The following PRELID2 variants were observed in gnomAD, a reference collection of about 807,000 sequenced individuals.
PRELID2 encodes PRELI domain-containing protein 2.
In PRELID2, 25 loss-of-function variants were observed where a neutral mutation model predicts 28.4. The observed-to-expected ratio is 0.88, with a 90% CI of 0.64 to 1.23. The LOEUF (loss-of-function observed/expected upper bound fraction) is 1.23, where lower values mean the gene tolerates loss of function less well. Among genes scored for constraint, PRELID2 ranks in the 50% most tolerant of loss-of-function variants. The pLI, the probability that PRELID2 is intolerant of heterozygous loss-of-function variation, is 0.00. For synonymous variants in PRELID2, 76 were observed against 71.6 expected (o/e 1.06, Z -0.31); for missense variants, 201 against 214.4 (o/e 0.94, Z 0.39).
In PRELID2 at chr5:145,667,230, C is replaced by G. The variant is rs200868403; in HGVS notation, n.70+97701G>C. Among the ~76,000 whole-genome samples the G allele has an allele frequency of 2.9e-4, 44 of 152,034 alleles. No homozygotes were observed. In the East Asian group the frequency reaches 8.5e-3, roughly 29 times the overall value. On this transcript the variant is annotated intron_variant and non_coding_transcript_variant, in intron 1 of 2. Coordinates refer to the PRELID2 transcript ENST00000510259. ...TACCTTTAGTGGATATTTTTTTCTT[C>G]TGGAACTCCCCAAAGTCTCCCATTC...
At chr5:145,597,869 G>A (rs187667310) in intron 1 of PRELID2, among the ~76,000 whole-genome samples, 3 of 152,270 alleles carry the variant, frequency 2.0e-5, no homozygotes, top group South Asian at 2.1e-4. Flanking sequence ...CATTGAGTAA[G>A]GAGCTGGGTG....
the PRELID2 span, among the ~76,000 whole-genome samples, chr5:145,342,860 G>A: frequency 7.0e-6 from 1 of 142,748 alleles, no homozygotes; most frequent in Non-Finnish European, 1.5e-5. Context: ...AGCAAGAGTA[G>A]CTATATTTAT....
At chr5:145,488,250 A>G (rs747564120) in intron 1 of PRELID2, among the ~76,000 whole-genome samples, 1 of 152,084 alleles carries the variant, frequency 6.6e-6, no homozygotes, top group African/African-American at 2.4e-5. Flanking sequence ...GCTAGTGACT[A>G]TTTCTCCACC....
chr5:145,510,930 C>T (rs1752455391), intron 1 of PRELID2, among the ~76,000 whole-genome samples: 1 of 152,204 alleles, frequency 6.6e-6, no homozygotes, highest in African/African-American at 2.4e-5. Flanking sequence ...AGCATCTCTA[C>T]ATGAAATATG....
chr5:145,612,639 G>A (rs1458334713), intron 1 of PRELID2, among the ~76,000 whole-genome samples: 1 of 151,914 alleles, frequency 6.6e-6, no homozygotes, highest in Non-Finnish European at 1.5e-5. Context: ...AGCCCCCAAA[G>A]TCCATTGCAT....
At chr5:145,658,245 C>T (rs1295830223) in intron 1 of PRELID2, among the ~76,000 whole-genome samples, 1 of 152,138 alleles carries the variant, frequency 6.6e-6, no homozygotes, top group Non-Finnish European at 1.5e-5. Context: ...AAAGCAAAAC[C>T]ATAAGGCAGA....
At chr5:145,392,731 A>G in the PRELID2 span, among the ~76,000 whole-genome samples, 1 of 151,224 alleles carries the variant, frequency 6.6e-6, no homozygotes, top group Non-Finnish European at 1.5e-5. Context: ...AGAAGGAAGA[A>G]AGGAAGGAAG....
At chr5:145,250,448 T>C in the PRELID2 span, among the ~76,000 whole-genome samples, 1 of 152,120 alleles carries the variant, frequency 6.6e-6, no homozygotes, top group Non-Finnish European at 1.5e-5. Context: ...ATCAGTGTAG[T>C]ATAAAACATG....
At chr5:145,385,846 A>G in the PRELID2 span, among the ~76,000 whole-genome samples, 2 of 152,106 alleles carry the variant, frequency 1.3e-5, no homozygotes, top group South Asian at 4.1e-4. Context: ...CCAGTACCTT[A>G]ACAAACTGAA....
intron 1 of PRELID2, among the ~76,000 whole-genome samples, chr5:145,823,442 GA>G (rs1166065941): frequency 6.6e-5 from 10 of 152,202 alleles, no homozygotes; most frequent in Non-Finnish European, 1.5e-4. Flanking sequence ...CATAAATCAA[GA>G]GTGTTCTTTG....
the PRELID2 span, among the ~76,000 whole-genome samples, chr5:145,322,233 C>T: frequency 2.6e-5 from 4 of 152,174 alleles, no homozygotes; most frequent in South Asian, 2.1e-4. Flanking sequence ...GCACTTGTCA[C>T]AAGAGTTTAT....
chr5:145,805,607 GA>G (rs1753445870), intron 4 of PRELID2, among the ~76,000 whole-genome samples: 1 of 152,086 alleles, frequency 6.6e-6, no homozygotes, highest in Non-Finnish European at 1.5e-5. Flanking sequence ...CAACTCAAAG[GA>G]AAAGGAGGAT....
chr5:145,545,450 C>CAAAA (rs113856480), intron 1 of PRELID2, among the ~76,000 whole-genome samples: 5 of 146,814 alleles, frequency 3.4e-5, no homozygotes, highest in African/African-American at 1.2e-4. Flanking sequence ...GAGTAGAAGG[C>CAAAA]AAAAAAAAAA....
the PRELID2 span, among the ~76,000 whole-genome samples, chr5:145,375,034 C>A: frequency 6.6e-6 from 1 of 152,128 alleles, no homozygotes. Flanking sequence ...GCTGGAGAGA[C>A]ACTGTGATCA....
chr5:145,728,996 C>T, intron 1 of PRELID2: 1 of 729,058 alleles, frequency 1.4e-6, no homozygotes, highest in Non-Finnish European at 2.5e-6. Context: ...CAGAGGGGTC[C>T]CACTCCCTCC....
At chr5:145,289,498 G>C in the PRELID2 span, among the ~76,000 whole-genome samples, 1 of 152,074 alleles carries the variant, frequency 6.6e-6, no homozygotes, top group African/African-American at 2.4e-5. Context: ...GCATCCATTT[G>C]TTTAAGGACA....
At chr5:145,296,294 A>T in the PRELID2 span, among the ~76,000 whole-genome samples, 6 of 150,726 alleles carry the variant, frequency 4.0e-5, no homozygotes, top group Non-Finnish European at 7.4e-5. Context: ...GCACCCATTA[A>T]CTCGTCACTT....
At chr5:145,479,244 CTG>C (rs1752134714) in intron 1 of PRELID2, among the ~76,000 whole-genome samples, 1 of 152,210 alleles carries the variant, frequency 6.6e-6, no homozygotes, top group Admixed American at 6.5e-5. Context: ...GAGCCTGCTT[CTG>C]TCTCTTTGCT....
chr5:145,513,488 T>A (rs1056478930), intron 1 of PRELID2, among the ~76,000 whole-genome samples: 3 of 151,872 alleles, frequency 2.0e-5, no homozygotes, highest in African/African-American at 7.3e-5. Context: ...TGGGACTATG[T>A]GAAAAGACCG....
Sources: allele counts gnomAD v4.1 joint callset (sites outside exome capture counted in the v4.1 genomes callset), GRCh38; gene constraint gnomAD v4.1.1; transcripts MANE v1.5; gene names NCBI Gene and HGNC (gene_info 2026-07-23, HGNC 2026-07-21).